PDGFC: variants seen among roughly 807,000 people sequenced by gnomAD.
The protein encoded by PDGFC is platelet derived growth factor C.
PDGFC carries 12 observed loss-of-function variants against 35.5 expected under a neutral mutation model. The ratio of observed to expected loss-of-function variants is 0.34; its 90% CI spans 0.22 to 0.55. The LOEUF is 0.55. Among genes scored for constraint, PDGFC ranks in the 20% least tolerant of loss-of-function variants. The probability of loss-of-function intolerance (pLI) is 0.91; values close to 1 mark genes in which losing one functional copy is unlikely to be tolerated. For missense variants in PDGFC, 322 were observed against 412.4 expected (o/e 0.78, Z 1.90); for synonymous variants, 159 against 148.8 (o/e 1.07, Z -0.50).
chr4:156,827,816 T>C (rs1303627983), intron 2 of PDGFC, among the ~76,000 whole-genome samples: 2 of 135,846 alleles, frequency 1.5e-5, no homozygotes, highest in Non-Finnish European at 2.9e-5. Flanking sequence ...CCAAAGACAA[T>C]AATTTTCTAC....
chr4:156,933,712 G>T (rs1255265801), intron 1 of PDGFC, among the ~76,000 whole-genome samples: 1 of 152,114 alleles, frequency 6.6e-6, no homozygotes, highest in Non-Finnish European at 1.5e-5. Context: ...GACCTAGTGG[G>T]AGGTGACTGG....
chr4:156,849,685 T>G (rs572743696), intron 2 of PDGFC, among the ~76,000 whole-genome samples: 1 of 152,136 alleles, frequency 6.6e-6, no homozygotes, highest in Non-Finnish European at 1.5e-5. Flanking sequence ...GGCATAACGT[T>G]AGCCTAAATA....
chr4:156,930,390 C>G (rs1185177514), intron 1 of PDGFC, among the ~76,000 whole-genome samples: 1 of 152,204 alleles, frequency 6.6e-6, no homozygotes, highest in Non-Finnish European at 1.5e-5. Flanking sequence ...TCTGTAGGAT[C>G]TGTAGGCTAG....
intron 3 of PDGFC, among the ~76,000 whole-genome samples, chr4:156,798,287 C>G (rs1229309875): frequency 6.6e-6 from 1 of 152,184 alleles, no homozygotes; most frequent in Non-Finnish European, 1.5e-5. Flanking sequence ...AAGTAAAAAT[C>G]AGATGCAAAG....
intron 2 of PDGFC, among the ~76,000 whole-genome samples, chr4:156,833,241 T>C (rs1369768491): frequency 6.6e-6 from 1 of 152,234 alleles, no homozygotes; most frequent in African/African-American, 2.4e-5. Context: ...AGCATAGATA[T>C]CTCCGGCTAG....
At chr4:156,783,903 G>A (rs1321814433) in intron 3 of PDGFC, among the ~76,000 whole-genome samples, 1 of 152,186 alleles carries the variant, frequency 6.6e-6, no homozygotes, top group Non-Finnish European at 1.5e-5. Flanking sequence ...TTGGTAGCTG[G>A]TGGGATGGGG....
At chr4:156,831,684 C>T (rs953119719) in intron 2 of PDGFC, among the ~76,000 whole-genome samples, 6 of 151,720 alleles carry the variant, frequency 4.0e-5, no homozygotes, top group Admixed American at 3.9e-4. Context: ...CCAAGTGATC[C>T]ATCCACCTCG....
chr4:156,820,075 G>C (rs140358297), intron 2 of PDGFC, among the ~76,000 whole-genome samples: 1 of 152,328 alleles, frequency 6.6e-6, no homozygotes, highest in African/African-American at 2.4e-5. Flanking sequence ...GCAATTTCAT[G>C]ATAAACATTG....
intron 1 of PDGFC, among the ~76,000 whole-genome samples, chr4:156,948,009 A>G (rs1202934574): frequency 1.3e-5 from 2 of 151,968 alleles, no homozygotes; most frequent in East Asian, 1.9e-4. Flanking sequence ...GTCTACACAC[A>G]CACTGTGGAT....
rs188342232 is a variant in PDGFC at position 156,888,496 on chromosome 4, G to A, written c.119-38080C>T. On this transcript the variant is annotated intron_variant, in intron 1 of 5. Coordinates refer to ENST00000502773, the MANE Select transcript of PDGFC (RefSeq NM_016205.3). Reference sequence around the variant, plus strand: ...ATTAAATTGGAGATCAAAATATTCTGTAAAGAACATCCCCATCACAGGATG... The same window carrying A: ...ATTAAATTGGAGATCAAAATATTCTATAAAGAACATCCCCATCACAGGATG... Among the ~76,000 whole-genome samples the A allele has an allele frequency of 6.0e-4, 91 of 152,174 alleles. No individual in the cohort carries two copies. The South Asian group carries it at 9.8e-3, about 16-fold the overall frequency.
intron 3 of PDGFC, among the ~76,000 whole-genome samples, chr4:156,787,555 T>C (rs934215400): frequency 1.3e-5 from 2 of 152,052 alleles, no homozygotes; most frequent in African/African-American, 4.8e-5. Flanking sequence ...TGGATGACGA[T>C]GTGGGATCAG....
chr4:156,931,359 T>G (rs1731545656), intron 1 of PDGFC, among the ~76,000 whole-genome samples: 1 of 152,192 alleles, frequency 6.6e-6, no homozygotes, highest in South Asian at 2.1e-4. Flanking sequence ...ATATTTCTAC[T>G]GGGAAGGAAA....
intron 1 of PDGFC, among the ~76,000 whole-genome samples, chr4:156,942,692 T>C (rs993847379): frequency 6.7e-6 from 1 of 148,510 alleles, no homozygotes; most frequent in Non-Finnish European, 1.5e-5. Flanking sequence ...TATACATGTA[T>C]ATTATATAAT....
intron 1 of PDGFC, among the ~76,000 whole-genome samples, chr4:156,957,261 C>A (rs930597990): frequency 6.6e-6 from 1 of 151,988 alleles, no homozygotes; most frequent in African/African-American, 2.4e-5. Context: ...AGCAAAGAAA[C>A]AAAACATGTT....
intron 3 of PDGFC, among the ~76,000 whole-genome samples, chr4:156,809,871 A>G (rs4691382): frequency 0.39 from 58,566 of 151,704 alleles, 14,705 homozygotes; most frequent in African/African-American, 0.71. Flanking sequence ...TTATTTTGTC[A>G]CATGTTTGGG....
At chr4:156,876,827 T>C (rs940617506) in intron 1 of PDGFC, 4 of 152,162 alleles carry the variant, frequency 2.6e-5, no homozygotes, top group African/African-American at 9.6e-5. Context: ...GGAATTTTTA[T>C]TGTTGTTAAT....
At chr4:156,777,208 G>C (rs1730852938) in intron 3 of PDGFC, among the ~76,000 whole-genome samples, 2 of 152,040 alleles carry the variant, frequency 1.3e-5, no homozygotes, top group Admixed American at 6.6e-5. Context: ...ATCCTAGAAA[G>C]GCATGTCTGG....
Position 156,762,829 on chromosome 4 carries a change from T to C in PDGFC, c.*261A>G. On this transcript the variant is annotated 3_prime_UTR_variant, in exon 6 of 6. Transcript: ENST00000502773. ...TGGTAACTCTGAAACTAGCTGGTGA[T>C]CTATTTAATACAACATTTAATTTTC... 3.0e-6 allele frequency: 1 copy of C among 332,358 alleles called. No individual in the cohort carries two copies. Among genetic ancestry groups the C allele is most frequent in the Non-Finnish European group, 5.6e-6 (1 of 179,516 alleles). 20.6% of individuals were successfully genotyped at this position (332,358 alleles called of 1,614,324 possible).
chr4:156,917,774 G>A (rs2165829), intron 1 of PDGFC, among the ~76,000 whole-genome samples: 88,155 of 152,024 alleles, frequency 0.58, 25,752 homozygotes, highest in East Asian at 0.7. Context: ...GCTAATATGC[G>A]AAGTTTTTAA....
Sources: allele counts gnomAD v4.1 joint callset (sites outside exome capture counted in the v4.1 genomes callset), GRCh38; gene constraint gnomAD v4.1.1; transcripts MANE v1.5; gene names NCBI Gene and HGNC (gene_info 2026-07-23, HGNC 2026-07-21).